Variants in SORL1 observed in about 807,000 individuals in gnomAD.
The protein encoded by SORL1 is sortilin related receptor 1.
SORL1 carries 127 observed loss-of-function variants against 273.7 expected under a neutral mutation model. That is an observed-to-expected ratio of 0.46 (90% CI 0.40 to 0.54). The LOEUF is 0.54. Ranked by LOEUF, SORL1 falls within the 20% of genes least tolerant of loss-of-function variation. The pLI, the probability that SORL1 is intolerant of heterozygous loss-of-function variation, is 0.00. For missense variants in SORL1, 2,494 were observed against 2,846.1 expected (o/e 0.88, Z 2.81); for synonymous variants, 1,031 against 1,067.4 (o/e 0.97, Z 0.66).
intron 8 of SORL1, among the ~76,000 whole-genome samples, chr11:121,517,652 G>A (rs897504226): frequency 1.3e-5 from 2 of 152,314 alleles, no homozygotes; most frequent in East Asian, 1.9e-4. Flanking sequence ...AAGCCAGAGC[G>A]ATGGCCCTTT....
At chr11:121,496,480 C>CA in intron 5 of SORL1, among the ~76,000 whole-genome samples, 1 of 152,300 alleles carries the variant, frequency 6.6e-6, no homozygotes, top group African/African-American at 2.4e-5. Context: ...GAGGATGTAG[C>CA]ACCTTGGGAA....
chr11:121,625,817 G>A (rs1037547230), intron 46 of SORL1, among the ~76,000 whole-genome samples: 3 of 152,108 alleles, frequency 2.0e-5, no homozygotes, highest in Non-Finnish European at 2.9e-5. Context: ...GGACCCTTCC[G>A]TTCATACAGA....
chr11:121,567,297 G>A (rs966421545), intron 22 of SORL1, among the ~76,000 whole-genome samples, 184 bp downstream of exon 22: 2 of 152,200 alleles, frequency 1.3e-5, no homozygotes, highest in Non-Finnish European at 2.9e-5. Context: ...CCTGGTAAGG[G>A]TCAAAGAGGC....
intron 3 of SORL1, among the ~76,000 whole-genome samples, chr11:121,482,638 TTCC>T (rs1861409636): frequency 6.6e-6 from 1 of 152,256 alleles, no homozygotes; most frequent in African/African-American, 2.4e-5. Context: ...GACCTACCAC[TTCC>T]TGAGAAAAAT....
intron 22 of SORL1, among the ~76,000 whole-genome samples, 182 bp from the exon 23 acceptor site, chr11:121,569,975 G>A (rs1008915843): frequency 1.3e-5 from 2 of 151,970 alleles, no homozygotes; most frequent in Non-Finnish European, 1.5e-5. Context: ...CAGACCGGCC[G>A]ACACTTAGGG....
intron 27 of SORL1, among the ~76,000 whole-genome samples, chr11:121,587,362 A>G (rs1454028168): frequency 6.6e-6 from 1 of 152,218 alleles, no homozygotes; most frequent in African/African-American, 2.4e-5. Flanking sequence ...TCAGGCTGCA[A>G]ACCTTGGAGA....
intron 45 of SORL1, among the ~76,000 whole-genome samples, chr11:121,623,898 T>C (rs2134952377): frequency 6.6e-6 from 1 of 152,352 alleles, no homozygotes; most frequent in Middle Eastern, 3.4e-3. Context: ...CCTGGGTAAT[T>C]TATAAAGGAA....
intron 21 of SORL1, among the ~76,000 whole-genome samples, chr11:121,560,452 A>C (rs992851759): frequency 6.6e-6 from 1 of 152,156 alleles, no homozygotes; most frequent in South Asian, 2.1e-4. Context: ...CAGCCATACT[A>C]TTGATTCTAG....
At chr11:121,489,812 CCTA>C (rs1424100157) in intron 4 of SORL1, among the ~76,000 whole-genome samples, 3 of 152,190 alleles carry the variant, frequency 2.0e-5, no homozygotes, top group Admixed American at 6.5e-5. Flanking sequence ...GAAGGCAAGT[CCTA>C]CTCATTTTTC....
intron 23 of SORL1, among the ~76,000 whole-genome samples, chr11:121,573,888 A>G (rs932958056): frequency 1.6e-4 from 24 of 152,300 alleles, no homozygotes; most frequent in African/African-American, 5.5e-4. Flanking sequence ...TCGTAGTTTC[A>G]TAGATAAAGG....
At position 121,629,624 on chromosome 11, in the gene SORL1, T is replaced by C; in HGVS notation, c.*61T>C. 1 of 853,972 alleles carries C rather than the reference T, an allele frequency of 1.2e-6. No individual in the cohort carries two copies. The highest frequency in any genetic ancestry group is 2.0e-6 in the Non-Finnish European group (1 of 498,602). The allele number at this position is 853,972 out of a possible 1,614,324, so 52.9% of individuals were successfully genotyped here. On this transcript the variant is annotated 3_prime_UTR_variant, in exon 48 of 48. Coordinates refer to ENST00000260197, the MANE Select transcript of SORL1 (RefSeq NM_003105.6). ...TATTTTATTTGATAAAGATAGTTGA[T>C]GGTTTATTTTAAAAGATGCACTTTG...
chr11:121,610,361 T>G (rs1386918907), intron 38 of SORL1: 3 of 152,234 alleles, frequency 2.0e-5, no homozygotes, highest in Non-Finnish European at 2.9e-5. Context: ...CACTTCTCCT[T>G]GCCCCCTCGA....
intron 22 of SORL1, 145 bp from the exon 23 acceptor site, chr11:121,570,012 A>G: frequency 7.8e-6 from 4 of 515,750 alleles, no homozygotes; most frequent in South Asian, 3.1e-5. Flanking sequence ...TATGTGAAAT[A>G]TCGGGGGTGA....
chr11:121,544,629 C>T (rs752129189), intron 13 of SORL1, among the ~76,000 whole-genome samples: 1 of 152,146 alleles, frequency 6.6e-6, no homozygotes, highest in African/African-American at 2.4e-5. Flanking sequence ...TGACTGAAGA[C>T]ACATATATAA....
At chr11:121,492,693 A>G (rs1351421466) in intron 5 of SORL1, among the ~76,000 whole-genome samples, 1 of 152,198 alleles carries the variant, frequency 6.6e-6, no homozygotes, top group Non-Finnish European at 1.5e-5. Flanking sequence ...TCAACAATAT[A>G]GAATAGTGTC....
chr11:121,568,563 T>C (rs1490455549), intron 22 of SORL1, among the ~76,000 whole-genome samples: 1 of 152,148 alleles, frequency 6.6e-6, no homozygotes, highest in Non-Finnish European at 1.5e-5. Context: ...GGCAGAAAAA[T>C]TTCTCAGAGT....
At chr11:121,620,553 T>C (rs935175046) in intron 43 of SORL1, among the ~76,000 whole-genome samples, 1 of 152,198 alleles carries the variant, frequency 6.6e-6, no homozygotes, top group African/African-American at 2.4e-5. Context: ...TCCTCTCAAC[T>C]CTCCACTTCC....
At chr11:121,592,214 T>C (rs1376926698) in intron 31 of SORL1, among the ~76,000 whole-genome samples, 1 of 152,236 alleles carries the variant, frequency 6.6e-6, no homozygotes, top group East Asian at 1.9e-4. Flanking sequence ...CTTCCTACTT[T>C]CCTTATCACT....
chr11:121,495,897 G>A (rs1048825630), intron 5 of SORL1, among the ~76,000 whole-genome samples: 18 of 152,176 alleles, frequency 1.2e-4, no homozygotes, highest in African/African-American at 4.1e-4. Flanking sequence ...ATGGCCTTCC[G>A]AGGCATCTAT....
Sources: gnomAD v4.1 joint callset for allele counts (sites outside exome capture counted in the v4.1 genomes callset) on GRCh38, gnomAD v4.1.1 for gene constraint, MANE v1.5 for transcripts, NCBI Gene and HGNC (gene_info 2026-07-23, HGNC 2026-07-21) for gene names.